Variants in SLC12A5 observed in about 807,000 individuals in gnomAD.
SLC12A5 encodes solute carrier family 12 member 5, also known as K-Cl cotransporter 2.
In SLC12A5, 18 loss-of-function variants were observed where a neutral mutation model predicts 124.0. The observed-to-expected ratio is 0.15, with a 90% CI of 0.10 to 0.22. The LOEUF is 0.22. Among genes scored for constraint, SLC12A5 ranks in the 10% least tolerant of loss-of-function variants. The probability of loss-of-function intolerance (pLI) is 1.00; values close to 1 mark genes in which losing one functional copy is unlikely to be tolerated. For synonymous variants in SLC12A5, 589 were observed against 568.0 expected (o/e 1.04, Z -0.53); for missense variants, 867 against 1,478.7 (o/e 0.59, Z 6.78).
chr20:46,027,084 G>A (rs1282246063), upstream of SLC12A5, among the ~76,000 whole-genome samples: 1 of 152,244 alleles, frequency 6.6e-6, no homozygotes, highest in African/African-American at 2.4e-5. Context: ...CTGCAGAGTA[G>A]TAGAACACAG....
At chr20:46,024,845 T>C (rs2084383471), upstream of SLC12A5, among the ~76,000 whole-genome samples, 1 of 152,206 alleles carries the variant, frequency 6.6e-6, no homozygotes, top group Admixed American at 6.5e-5. Flanking sequence ...GTGACAGTTG[T>C]TACAACTCTG....
upstream of SLC12A5, chr20:46,029,122 G>C (rs1033556640): frequency 5.9e-6 from 8 of 1,359,144 alleles, no homozygotes; most frequent in Non-Finnish European, 6.6e-6. Context: ...TCCTGCATAC[G>C]GGATGAGGTG....
At chr20:46,052,807 A>T in intron 18 of SLC12A5, 150 bp from the exon 19 acceptor site, 1 of 750,348 alleles carries the variant, frequency 1.3e-6, no homozygotes, top group South Asian at 1.9e-5. Context: ...GCCCAAGTAG[A>T]TGCTGGTTTT....
At chr20:46,043,610 C>G (rs140632424) in intron 9 of SLC12A5, 23 bp from the exon 10 acceptor site, 2 of 1,613,262 alleles carry the variant, frequency 1.2e-6, no homozygotes, top group African/African-American at 1.3e-5. Context: ...GGCTTGAGTC[C>G]TAGCTGCACT....
rs1046062288 is a variant in SLC12A5 at position 46,040,522 on chromosome 20, G to A, written c.762G>A (p.Lys254=). The part of the protein sequence containing the change: ...VVFVGVKYVN[K]FALVFLGCVI... Reference sequence around the variant, plus strand: ...TTGTGGGTGTCAAGTATGTCAACAAGTTTGCCCTTGTCTTCCTGGGTTGTG... The same window carrying A: ...TTGTGGGTGTCAAGTATGTCAACAAATTTGCCCTTGTCTTCCTGGGTTGTG... Residue 254 remains lysine, a synonymous_variant, in exon 7 of 26, where the codon AAG becomes AAA. Coordinates refer to ENST00000243964, the MANE Select transcript of SLC12A5 (RefSeq NM_020708.5). 2.5e-6 allele frequency: 4 copies of A among 1,614,102 alleles called. No homozygotes were observed. Among genetic ancestry groups the A allele is most frequent in the Non-Finnish European group, 2.5e-6 (3 of 1,180,058 alleles).
rs1180864071 is a variant in SLC12A5 at position 46,033,749 on chromosome 20, A to G, written c.53-1199A>G. ...TTCACCCATGCTAGAAACCGCAGAC[A>G]TTATCCTAGGTTCTTCCTCTCCCCC... On this transcript the variant is annotated intron_variant, in intron 1 of 25. Transcript: ENST00000243964. Among the ~76,000 whole-genome samples, 3 of 152,144 alleles carry G rather than the reference A, an allele frequency of 2.0e-5. No homozygotes were observed. The South Asian group carries it at 6.2e-4, about 32-fold the overall frequency.
chr20:46,045,278 G>A lies in SLC12A5; in HGVS notation c.1569+138G>A. 1.9e-6 allele frequency: 2 copies of A among 1,062,766 alleles called. No individual in the cohort carries two copies. Among genetic ancestry groups the A allele is most frequent in the African/African-American group, 1.6e-5 (1 of 61,874 alleles). The allele number at this position is 1,062,766 out of a possible 1,614,324, so 65.8% of individuals were successfully genotyped here. Reference sequence around the variant, plus strand: ...TTCTGCTCTGTACTGCACTGGCCAGGCCTATCTGGCAGGGTCTGAGGCACA... The same window carrying A: ...TTCTGCTCTGTACTGCACTGGCCAGACCTATCTGGCAGGGTCTGAGGCACA... On this transcript the variant is annotated intron_variant, in intron 12 of 25. Coordinates refer to ENST00000243964, the MANE Select transcript of SLC12A5 (RefSeq NM_020708.5). The surrounding 1 kb of genome is among the most constrained non-coding windows in gnomAD (Gnocchi z 4.9).
At chr20:46,041,931 G>C (rs939279741) in intron 8 of SLC12A5, among the ~76,000 whole-genome samples, 3 of 152,216 alleles carry the variant, frequency 2.0e-5, no homozygotes, top group East Asian at 1.9e-4. Flanking sequence ...ATGCCCGGGG[G>C]GGGAGAGTTC....
chr20:46,053,556 G>T lies in SLC12A5; in HGVS notation c.2548-22G>T. ...CATCACATCTGGGCTGGACCTTTCT[G>T]AATCCCCTTCATCGCCTGCAGGTCT... is the stretch of plus-strand genomic sequence containing the variant. On this transcript the variant is annotated intron_variant, in intron 19 of 25. Transcript: ENST00000243964. This position sits in a 1 kb window ranked among gnomAD's most constrained non-coding sequence, Gnocchi z 4.7. The T allele has an allele frequency of 6.2e-7, 1 of 1,612,776 alleles. No homozygotes were observed. Among genetic ancestry groups the T allele is most frequent in the South Asian group, 1.1e-5 (1 of 91,074 alleles).
At position 46,057,532 on chromosome 20, in the gene SLC12A5, T is replaced by A; in HGVS notation, c.3278T>A (p.Val1093Asp). The change falls in exon 26 of 26, where the codon GTC (valine) becomes GAC (aspartate). Residue 1093 changes from valine to aspartate, a missense_variant. Around this residue, in one of 9 missense-constraint regions of SLC12A5, gnomAD observed 180 missense variants for 243.6 expected, o/e 0.74. Transcript: ENST00000243964. This position sits in a 1 kb window ranked among gnomAD's most constrained non-coding sequence, Gnocchi z 7.1. Reference protein sequence around the residue: ...GDENYMEFLEVLTEHLDRVML... With the variant: ...GDENYMEFLEDLTEHLDRVML... Reference sequence around the variant, plus strand: ...CTCTCAGACATGGAGTTTCTCGAGGTCCTCACAGAGCACCTGGACCGGGTG... The same window carrying A: ...CTCTCAGACATGGAGTTTCTCGAGGACCTCACAGAGCACCTGGACCGGGTG... 1 of 1,613,946 alleles carries A rather than the reference T, an allele frequency of 6.2e-7. No individual in the cohort carries two copies. The highest frequency in any genetic ancestry group is 8.5e-7 in the Non-Finnish European group (1 of 1,179,982).
intron 4 of SLC12A5, 153 bp from the exon 5 acceptor site, chr20:46,036,588 G>A: frequency 1.5e-6 from 1 of 666,272 alleles, no homozygotes; most frequent in Non-Finnish European, 2.6e-6. Context: ...GAAGGACTTG[G>A]CAGGAGTAGA....
chr20:46,045,973 C>A lies in SLC12A5; in HGVS notation c.1665C>A (p.Asp555Glu). The change falls in exon 13 of 26, where the codon GAC (aspartate) becomes GAA (glutamate). Residue 555 changes from aspartate to glutamate, a missense_variant. Around this residue, in one of 9 missense-constraint regions of SLC12A5, gnomAD observed 152 missense variants for 358.7 expected, o/e 0.42. Coordinates refer to ENST00000243964, the MANE Select transcript of SLC12A5 (RefSeq NM_020708.5). This position sits in a 1 kb window ranked among gnomAD's most constrained non-coding sequence, Gnocchi z 4.9. ...CEIGILIASL[D>E]EVAPILSMFF... Reference sequence around the variant, plus strand: ...TTGGCATCCTCATTGCATCCCTCGACGAGGTGGCCCCCATCCTCTCTATGT... The same window carrying A: ...TTGGCATCCTCATTGCATCCCTCGAAGAGGTGGCCCCCATCCTCTCTATGT... The A allele has an allele frequency of 6.2e-7, 1 of 1,614,164 alleles. No homozygotes were observed. The highest frequency in any genetic ancestry group is 8.5e-7 in the Non-Finnish European group (1 of 1,180,014).
Position 46,045,873 on chromosome 20 carries a change from C to T in SLC12A5, c.1570-5C>T. 6.2e-7 allele frequency: 1 copy of T among 1,613,416 alleles called. No homozygotes were observed. The highest frequency in any genetic ancestry group is 1.1e-5 in the South Asian group (1 of 91,070). The stretch of plus-strand genomic sequence containing the variant: ...TCAGTCCCATGATGATTGCTCTTTC[C>T]CCAGGTCTTTGGCCATGGCAAGGCC... On this transcript the variant is annotated splice_region_variant and splice_polypyrimidine_tract_variant and intron_variant, in intron 12 of 25. Coordinates refer to ENST00000243964, the MANE Select transcript of SLC12A5 (RefSeq NM_020708.5). The surrounding 1 kb of genome is among the most constrained non-coding windows in gnomAD (Gnocchi z 4.9).
rs527535790 is a variant in SLC12A5 at position 46,059,706 on chromosome 20, CAA to C, written c.*2102_*2103del. On this transcript the variant is annotated 3_prime_UTR_variant, in exon 26 of 26. Coordinates refer to ENST00000243964, the MANE Select transcript of SLC12A5 (RefSeq NM_020708.5). ...GCAATATTTGTTATGAATGTTATCA[CAA>C]GTCATTCATCAAGTTATCTTTATAA... 3.0e-4 allele frequency: 118 copies of C among 399,054 alleles called. No homozygotes were observed. Among genetic ancestry groups the C allele is most frequent in the African/African-American group, 1.7e-3 (84 of 48,764 alleles). 24.7% of individuals were successfully genotyped at this position (399,054 alleles called of 1,614,324 possible).
At chr20:46,035,948 A>G in intron 4 of SLC12A5, 25 bp downstream of exon 4, 1 of 1,588,356 alleles carries the variant, frequency 6.3e-7, no homozygotes, top group South Asian at 1.1e-5. Context: ...TCCCCTCACC[A>G]CCCCCTGACA....
At position 46,029,310 on chromosome 20, in the gene SLC12A5, G is replaced by C. The variant is rs751018012; in HGVS notation, c.-35G>C. 3.9e-6 allele frequency: 6 copies of C among 1,522,630 alleles called. No homozygotes were observed. In the South Asian group the frequency reaches 5.1e-5, roughly 13 times the overall value. The allele number at this position is 1,522,630 out of a possible 1,614,324, so 94.3% of individuals were successfully genotyped here. ...GGTAGAGGGGCGCGGGCGAGGCGGC[G>C]CAGCCATCCCCGGACCAGGGGCCGC... On this transcript the variant is annotated 5_prime_UTR_variant, in exon 1 of 26. Coordinates refer to ENST00000243964, the MANE Select transcript of SLC12A5 (RefSeq NM_020708.5).
chr20:46,035,339 C>T, intron 2 of SLC12A5, 65 bp from the exon 3 acceptor site: 1 of 1,565,566 alleles, frequency 6.4e-7, no homozygotes, highest in Non-Finnish European at 8.7e-7. Flanking sequence ...TTCCTCTGCC[C>T]TTCGCCACCC....
intron 1 of SLC12A5, among the ~76,000 whole-genome samples, chr20:46,030,177 T>TC (rs2145475739): frequency 1.3e-5 from 2 of 151,876 alleles, no homozygotes; most frequent in South Asian, 4.2e-4. Flanking sequence ...CTTTCTTCCC[T>TC]CTTTCCCCCT....
exon 3 of SLC12A5, chr20:46,023,576 C>G (rs2084373617): frequency 2.5e-6 from 1 of 397,824 alleles, no homozygotes; most frequent in African/African-American, 2.1e-5. Flanking sequence ...AAGGCCAAAG[C>G]CTTAAGTCTG....
Sources: gnomAD v4.1 joint callset for allele counts (sites outside exome capture counted in the v4.1 genomes callset) on GRCh38, gnomAD v4.1.1 for gene constraint, gnomAD v4.1.1 regional missense constraint, Gnocchi (gnomAD v3.1) non-coding constraint, MANE v1.5 for transcripts, NCBI Gene and HGNC (gene_info 2026-07-23, HGNC 2026-07-21) for gene names.